FRMD4A: variants seen among roughly 807,000 people sequenced by gnomAD.
FRMD4A encodes FERM domain containing 4A.
FRMD4A carries 29 observed loss-of-function variants against 129.1 expected under a neutral mutation model. The observed-to-expected ratio is 0.22, with a 90% CI of 0.17 to 0.31. FRMD4A has a LOEUF of 0.31. Ranked by LOEUF, FRMD4A falls within the 10% of genes least tolerant of loss-of-function variation. The pLI, the probability that FRMD4A is intolerant of heterozygous loss-of-function variation, is 1.00. For missense variants in FRMD4A, 1,272 were observed against 1,375.8 expected (o/e 0.92, Z 1.19); for synonymous variants, 634 against 571.6 (o/e 1.11, Z -1.56).
chr10:14,034,790 A>C (rs749983924), intron 2 of FRMD4A, among the ~76,000 whole-genome samples: 1 of 152,206 alleles, frequency 6.6e-6, no homozygotes, highest in Non-Finnish European at 1.5e-5. Flanking sequence ...GCATCTTCAC[A>C]CAGGCCGTCC....
chr10:13,955,578 C>T (rs2131345498), intron 2 of FRMD4A, among the ~76,000 whole-genome samples: 1 of 152,312 alleles, frequency 6.6e-6, no homozygotes, highest in South Asian at 2.1e-4. Context: ...AGTCCTCAGG[C>T]CTTTGCATAT....
chr10:14,329,983 GGCAGCA>G (rs1244263817), intron 2 of FRMD4A, 69 bp downstream of exon 2: 1 of 1,355,876 alleles, frequency 7.4e-7, no homozygotes, highest in African/African-American at 1.4e-5. Flanking sequence ...CCACTGCAGC[GGCAGCA>G]GCAGCCCACG....
At chr10:13,711,846 A>C (rs2088055104) in intron 12 of FRMD4A, 1 of 152,238 alleles carries the variant, frequency 6.6e-6, no homozygotes, top group Non-Finnish European at 1.5e-5. Context: ...CACAGCAAGT[A>C]AGTGAAGGAA....
chr10:14,139,595 G>A (rs1015620896), intron 2 of FRMD4A, among the ~76,000 whole-genome samples: 56 of 151,694 alleles, frequency 3.7e-4, no homozygotes, highest in African/African-American at 1.3e-3. Flanking sequence ...GACCACAAGT[G>A]CATACCACCA....
chr10:13,996,947 C>T (rs1226798048), intron 2 of FRMD4A, among the ~76,000 whole-genome samples: 1 of 151,494 alleles, frequency 6.6e-6, no homozygotes, highest in African/African-American at 2.4e-5. Context: ...TTATGAAGCC[C>T]TGACCCATGA....
At chr10:14,057,955 T>C (rs764692968) in intron 2 of FRMD4A, among the ~76,000 whole-genome samples, 1 of 152,212 alleles carries the variant, frequency 6.6e-6, no homozygotes, top group African/African-American at 2.4e-5. Flanking sequence ...AAGATTTTGT[T>C]TGAAATAACA....
chr10:14,170,487 G>A (rs1209345177), intron 2 of FRMD4A, among the ~76,000 whole-genome samples: 3 of 152,132 alleles, frequency 2.0e-5, no homozygotes, highest in South Asian at 2.1e-4. Context: ...GAAGTACAGC[G>A]CAGGATATGT....
At chr10:14,117,802 T>C (rs1378966525) in intron 2 of FRMD4A, among the ~76,000 whole-genome samples, 1 of 152,218 alleles carries the variant, frequency 6.6e-6, no homozygotes, top group East Asian at 1.9e-4. Flanking sequence ...TTTTGCCTTC[T>C]TCTGGGTGAG....
chr10:13,937,782 C>T (rs377184108), intron 2 of FRMD4A, among the ~76,000 whole-genome samples: 15 of 152,326 alleles, frequency 9.8e-5, no homozygotes, highest in Admixed American at 2.0e-4. Context: ...GTTAGTACCA[C>T]GTGTGTTCGC....
intron 2 of FRMD4A, among the ~76,000 whole-genome samples, chr10:13,933,557 G>C (rs2095221500): frequency 6.6e-6 from 1 of 152,204 alleles, no homozygotes; most frequent in South Asian, 2.1e-4. Flanking sequence ...AGAATGAAGG[G>C]TTTCAAAATT....
intron 2 of FRMD4A, among the ~76,000 whole-genome samples, chr10:14,185,600 TAG>T (rs1013092207): frequency 5.5e-5 from 8 of 144,354 alleles, no homozygotes; most frequent in Admixed American, 2.9e-4. Context: ...GAGAAACAGG[TAG>T]AGAGACAGAA....
At chr10:13,676,428 A>ATT (rs60180649) in intron 15 of FRMD4A, among the ~76,000 whole-genome samples, 42 of 128,868 alleles carry the variant, frequency 3.3e-4, no homozygotes, top group African/African-American at 1.1e-3. Context: ...ACACCCAGCT[A>ATT]TTTTTTTTTT....
intron 2 of FRMD4A, among the ~76,000 whole-genome samples, chr10:14,183,811 C>A (rs1413975404): frequency 6.6e-6 from 1 of 152,156 alleles, no homozygotes; most frequent in Non-Finnish European, 1.5e-5. Flanking sequence ...GCATTTTGAT[C>A]AGGTGTGAAG....
At chr10:13,929,878 T>C (rs1232195616) in intron 2 of FRMD4A, among the ~76,000 whole-genome samples, 1 of 152,178 alleles carries the variant, frequency 6.6e-6, no homozygotes, top group Non-Finnish European at 1.5e-5. Context: ...TTTGCTCATC[T>C]ATCAAATGGG....
intron 5 of FRMD4A, among the ~76,000 whole-genome samples, chr10:13,795,295 T>A (rs568021677): frequency 9.2e-5 from 14 of 152,358 alleles, no homozygotes; most frequent in African/African-American, 3.4e-4. Flanking sequence ...GAATATGGCA[T>A]TGAAATCATC....
At chr10:14,233,752 AGGCTG>A (rs1403596922) in intron 2 of FRMD4A, among the ~76,000 whole-genome samples, 15 of 152,236 alleles carry the variant, frequency 9.9e-5, no homozygotes, top group Non-Finnish European at 2.2e-4. Flanking sequence ...CACAGTTGGG[AGGCTG>A]GGAGAAGGAG....
At chr10:14,078,925 C>T (rs151094869) in intron 2 of FRMD4A, among the ~76,000 whole-genome samples, 3 of 152,140 alleles carry the variant, frequency 2.0e-5, no homozygotes, top group African/African-American at 4.8e-5. Flanking sequence ...AGGTGTCCTG[C>T]GAATTCTCCA....
At chr10:14,229,285 T>C (rs1171093251) in intron 2 of FRMD4A, among the ~76,000 whole-genome samples, 1 of 152,130 alleles carries the variant, frequency 6.6e-6, no homozygotes, top group East Asian at 1.9e-4. Context: ...CACATAAGCA[T>C]TGACCTAGGA....
chr10:14,028,162 A>T (rs1318096491), intron 2 of FRMD4A, among the ~76,000 whole-genome samples: 1 of 152,220 alleles, frequency 6.6e-6, no homozygotes, highest in African/African-American at 2.4e-5. Flanking sequence ...GGGACATTTT[A>T]TTAATACTTA....
Sources: gnomAD v4.1 joint callset for allele counts (sites outside exome capture counted in the v4.1 genomes callset) on GRCh38, gnomAD v4.1.1 for gene constraint, MANE v1.5 for transcripts, NCBI Gene and HGNC (gene_info 2026-07-23, HGNC 2026-07-21) for gene names.